NBAS: variants seen among roughly 807,000 people sequenced by gnomAD.
The protein encoded by NBAS is NBAS subunit of NRZ tethering complex, also known as NAG/BC035112 fusion.
Under a neutral mutation model 302.5 loss-of-function variants are expected in NBAS, and 219 were observed. That is an observed-to-expected ratio of 0.72 (90% CI 0.65 to 0.81). The LOEUF (loss-of-function observed/expected upper bound fraction) is 0.81, where lower values mean the gene tolerates loss of function less well. Among genes scored for constraint, NBAS ranks in the 30% least tolerant of loss-of-function variants. The pLI, the probability that NBAS is intolerant of heterozygous loss-of-function variation, is 0.00. For missense variants in NBAS, 2,932 were observed against 2,841.6 expected, an observed-to-expected ratio of 1.03 and a Z score of -0.72; for synonymous variants, 1,118 against 1,021.6, an observed-to-expected ratio of 1.09 and a Z score of -1.80.
chr2:15,376,785 T>C (rs1186887283), intron 30 of NBAS, among the ~76,000 whole-genome samples: 1 of 152,008 alleles, frequency 6.6e-6, no homozygotes, highest in African/African-American at 2.4e-5. Context: ...AATGTATGGG[T>C]TATTCTCTAC....
At chr2:15,231,874 A>G (rs774686691) in intron 47 of NBAS, among the ~76,000 whole-genome samples, 2 of 152,180 alleles carry the variant, frequency 1.3e-5, no homozygotes, top group Non-Finnish European at 2.9e-5. Context: ...GAGGACATGC[A>G]TAACTGTTCA....
At chr2:15,370,790 T>C (rs949100184) in intron 31 of NBAS, among the ~76,000 whole-genome samples, 2 of 152,220 alleles carry the variant, frequency 1.3e-5, no homozygotes, top group African/African-American at 4.8e-5. Flanking sequence ...TGTACCCCTA[T>C]TGTATCTTGG....
the NBAS span, among the ~76,000 whole-genome samples, chr2:14,904,446 A>G: frequency 2.4e-3 from 370 of 152,318 alleles, 1 homozygote; most frequent in Non-Finnish European, 4.1e-3. Flanking sequence ...AGCATCCAGC[A>G]CGGGAGAAAG....
At chr2:14,816,648 A>T in the NBAS span, among the ~76,000 whole-genome samples, 1 of 152,212 alleles carries the variant, frequency 6.6e-6, no homozygotes, top group African/African-American at 2.4e-5. Context: ...TCCGACTACT[A>T]TTCATTCGTA....
At chr2:15,156,537 T>G in the NBAS span, among the ~76,000 whole-genome samples, 1 of 152,214 alleles carries the variant, frequency 6.6e-6, no homozygotes, top group Non-Finnish European at 1.5e-5. Context: ...TGGTGGTTTC[T>G]TGCTGCATCC....
the NBAS span, among the ~76,000 whole-genome samples, chr2:14,899,526 A>G: frequency 6.6e-6 from 1 of 152,190 alleles, no homozygotes; most frequent in Non-Finnish European, 1.5e-5. Flanking sequence ...CTTCAGATAG[A>G]TTATTTTCCA....
At chr2:15,385,675 A>G (rs1675256465) in intron 28 of NBAS, among the ~76,000 whole-genome samples, 2 of 152,180 alleles carry the variant, frequency 1.3e-5, no homozygotes, top group South Asian at 4.1e-4. Context: ...ATTTGTGAAG[A>G]TTTGCTGACA....
At chr2:15,235,982 T>C (rs1418246439) in intron 45 of NBAS, among the ~76,000 whole-genome samples, 2 of 152,182 alleles carry the variant, frequency 1.3e-5, no homozygotes, top group Non-Finnish European at 2.9e-5. Context: ...TTTTTTGTAC[T>C]GGGTATATAA....
At chr2:14,783,904 C>A in the NBAS span, among the ~76,000 whole-genome samples, 1 of 150,786 alleles carries the variant, frequency 6.6e-6, no homozygotes, top group South Asian at 2.1e-4. Context: ...ACACTGACTT[C>A]CACAATGGTT....
At chr2:15,320,976 G>A (rs1179113484) in intron 38 of NBAS, among the ~76,000 whole-genome samples, 4 of 152,108 alleles carry the variant, frequency 2.6e-5, no homozygotes, top group Non-Finnish European at 1.5e-5. Context: ...GAAGCATTAC[G>A]TTACCTGACT....
At chr2:15,487,664 G>A (rs1359254453) in intron 12 of NBAS, among the ~76,000 whole-genome samples, 1 of 152,194 alleles carries the variant, frequency 6.6e-6, no homozygotes, top group Non-Finnish European at 1.5e-5. Flanking sequence ...AAGTTCTGCT[G>A]CCTGACATCC....
At chr2:15,378,081 CT>C (rs1294171895) in intron 30 of NBAS, among the ~76,000 whole-genome samples, 1 of 152,132 alleles carries the variant, frequency 6.6e-6, no homozygotes, top group Non-Finnish European at 1.5e-5. Flanking sequence ...CCATAGCCAC[CT>C]TATTACTGAA....
intron 25 of NBAS, 115 bp downstream of exon 25, chr2:15,415,431 T>A (rs751466873): frequency 4.2e-4 from 391 of 940,346 alleles, no homozygotes; most frequent in Non-Finnish European, 5.8e-4. Context: ...CAATCATTTG[T>A]TTTTCTGTTT....
At chr2:15,087,424 T>A in the NBAS span, among the ~76,000 whole-genome samples, 2,737 of 152,348 alleles carry the variant, frequency 0.018, 80 homozygotes, top group African/African-American at 0.06. Context: ...ATGTCTATGG[T>A]CAGGCTTTCT....
In NBAS at chr2:15,383,775, C is replaced by A. The variant is rs573852479; in HGVS notation, c.3258-458G>T. On this transcript the variant is annotated intron_variant, in intron 28 of 51. Transcript: ENST00000281513. Reference sequence around the variant, plus strand: ...CAACTGAACATTCACATCCATAGGACAACCGCAGGCCACATTTGCCATCAG... The same window carrying A: ...CAACTGAACATTCACATCCATAGGAAAACCGCAGGCCACATTTGCCATCAG... 3.9e-5 allele frequency among the ~76,000 whole-genome samples: 6 copies of A among 152,322 alleles called. No individual in the cohort carries two copies. In the South Asian group the frequency reaches 1.2e-3, roughly 32 times the overall value.
chr2:15,203,285 A>G (rs1661166673), intron 48 of NBAS, among the ~76,000 whole-genome samples: 1 of 152,134 alleles, frequency 6.6e-6, no homozygotes, highest in African/African-American at 2.4e-5. Flanking sequence ...AACCACTTTG[A>G]GTCTATTTCC....
At chr2:14,926,605 A>T in the NBAS span, among the ~76,000 whole-genome samples, 3 of 152,310 alleles carry the variant, frequency 2.0e-5, no homozygotes, top group African/African-American at 7.2e-5. Flanking sequence ...AAAATTTACC[A>T]CGTTAGCCAT....
the NBAS span, among the ~76,000 whole-genome samples, chr2:14,962,970 T>A: frequency 2.6e-5 from 4 of 152,002 alleles, no homozygotes; most frequent in African/African-American, 9.7e-5. Context: ...AACTGTTTTT[T>A]AAAAAATAAA....
At chr2:15,207,647 C>T (rs1418669184) in intron 48 of NBAS, among the ~76,000 whole-genome samples, 1 of 152,038 alleles carries the variant, frequency 6.6e-6, no homozygotes, top group Admixed American at 6.6e-5. Flanking sequence ...GGACTTCCCC[C>T]TTGCTGTTCT....
Sources: allele counts gnomAD v4.1 joint callset (sites outside exome capture counted in the v4.1 genomes callset), GRCh38; gene constraint gnomAD v4.1.1; transcripts MANE v1.5; gene names NCBI Gene and HGNC (gene_info 2026-07-23, HGNC 2026-07-21).